Variants in CDH4 observed in about 807,000 individuals in gnomAD.
CDH4 encodes cadherin 4.
CDH4 carries 33 observed loss-of-function variants against 86.0 expected under a neutral mutation model. That is an observed-to-expected ratio of 0.38 (90% CI 0.29 to 0.51). The LOEUF is 0.51. CDH4 is among the 20% of genes least tolerant of loss of function. The pLI, the probability that CDH4 is intolerant of heterozygous loss-of-function variation, is 0.86. For missense variants in CDH4, 1,114 were observed against 1,307.4 expected (o/e 0.85, Z 2.28); for synonymous variants, 555 against 549.4 (o/e 1.01, Z -0.14).
intron 2 of CDH4, among the ~76,000 whole-genome samples, chr20:61,717,307 A>C (rs1472868341): frequency 2.0e-5 from 3 of 152,192 alleles, no homozygotes; most frequent in African/African-American, 7.2e-5. Context: ...CAGGGTGGAC[A>C]GGACAGAGAG....
At chr20:61,756,693 C>T (rs2088569128) in intron 3 of CDH4, among the ~76,000 whole-genome samples, 2 of 152,054 alleles carry the variant, frequency 1.3e-5, no homozygotes, top group African/African-American at 4.8e-5. Context: ...GAAGCATCCA[C>T]AGACTGCATT....
chr20:61,351,971 C>T (rs1436971710), intron 2 of CDH4, among the ~76,000 whole-genome samples: 2 of 152,174 alleles, frequency 1.3e-5, no homozygotes, highest in Non-Finnish European at 2.9e-5. Flanking sequence ...CCCACCTCGG[C>T]CTCCCAAAGT....
At chr20:61,375,223 C>G (rs541514095) in intron 2 of CDH4, among the ~76,000 whole-genome samples, 1 of 152,282 alleles carries the variant, frequency 6.6e-6, no homozygotes, top group African/African-American at 2.4e-5. Flanking sequence ...GAGTTTGACT[C>G]TTTTTGTCAA....
At chr20:61,792,220 G>C (rs1979242065) in intron 4 of CDH4, among the ~76,000 whole-genome samples, 1 of 152,182 alleles carries the variant, frequency 6.6e-6, no homozygotes. Context: ...GGCAGGTGGA[G>C]GAAAGGGAGC....
chr20:61,492,510 G>A (rs1261422544), intron 2 of CDH4, among the ~76,000 whole-genome samples: 2 of 152,186 alleles, frequency 1.3e-5, no homozygotes, highest in Admixed American at 6.5e-5. Context: ...CATTGTTGAT[G>A]TTGATGGCGG....
rs576717546 is a variant in CDH4, at chr20:61,858,615, A to G, written c.877+5717A>G. On this transcript the variant is annotated intron_variant, in intron 6 of 15. Transcript: ENST00000614565. Reference sequence around the variant, plus strand: ...CCTAACCTGTGGCAACCACGACTCTATTTTCATCTGTAGTGTTGTCATTCC... The same window carrying G: ...CCTAACCTGTGGCAACCACGACTCTGTTTTCATCTGTAGTGTTGTCATTCC... Among the ~76,000 whole-genome samples the G allele has an allele frequency of 5.3e-5, 8 of 151,894 alleles. No individual in the cohort carries two copies. In the East Asian group the frequency reaches 1.6e-3, roughly 29 times the overall value.
chr20:61,690,233 T>C (rs1471801482), intron 2 of CDH4, among the ~76,000 whole-genome samples: 2 of 152,008 alleles, frequency 1.3e-5, no homozygotes, highest in Admixed American at 1.3e-4. Context: ...TGATGTGTAA[T>C]TGGGCGGGGA....
intron 4 of CDH4, among the ~76,000 whole-genome samples, chr20:61,808,939 A>G (rs1190421266): frequency 3.9e-5 from 6 of 152,244 alleles, no homozygotes; most frequent in Non-Finnish European, 7.3e-5. Context: ...GTAGCCATAA[A>G]GATAATGTGA....
chr20:61,612,047 C>T (rs6061669), intron 2 of CDH4, among the ~76,000 whole-genome samples: 2,516 of 152,060 alleles, frequency 0.017, 93 homozygotes, highest in African/African-American at 0.057. Context: ...GTTGATTTTG[C>T]CAGATAGCAA....
chr20:61,614,026 G>T (rs1396191322), intron 2 of CDH4, among the ~76,000 whole-genome samples: 1 of 152,156 alleles, frequency 6.6e-6, no homozygotes, highest in African/African-American at 2.4e-5. Context: ...TGTATGAGAG[G>T]AGAGGTGGCA....
intron 15 of CDH4, among the ~76,000 whole-genome samples, chr20:61,935,822 G>A (rs941682479): frequency 3.9e-5 from 6 of 152,182 alleles, no homozygotes; most frequent in Non-Finnish European, 7.3e-5. Context: ...GGAGGCAGAG[G>A]TTACAGTGAG....
intron 2 of CDH4, among the ~76,000 whole-genome samples, chr20:61,308,771 G>A (rs2084430420): frequency 6.6e-6 from 1 of 152,248 alleles, no homozygotes. Flanking sequence ...AGGAGAGGCT[G>A]AGCAGGAAGA....
chr20:61,555,076 C>T (rs2086166795), intron 2 of CDH4, among the ~76,000 whole-genome samples: 1 of 152,120 alleles, frequency 6.6e-6, no homozygotes, highest in African/African-American at 2.4e-5. Context: ...ATGATGTCTG[C>T]CCATGGGAGT....
At chr20:61,755,337 AACACCACACACATAGTGCATGCCACAC>A (rs2088549222) in intron 3 of CDH4, among the ~76,000 whole-genome samples, 1 of 147,384 alleles carries the variant, frequency 6.8e-6, no homozygotes. Flanking sequence ...ACTGCCTTGT[AACACCACACACATAGTGCATGCCACAC>A]ACACCACACA....
chr20:61,322,445 C>T (rs191289326), intron 2 of CDH4, among the ~76,000 whole-genome samples: 81 of 152,324 alleles, frequency 5.3e-4, no homozygotes, highest in Admixed American at 4.4e-3. Flanking sequence ...CTCCCCTTTC[C>T]TTCCCAGACT....
chr20:61,678,128 T>G (rs1362307256), intron 2 of CDH4, among the ~76,000 whole-genome samples: 2 of 151,338 alleles, frequency 1.3e-5, no homozygotes, highest in East Asian at 3.9e-4. Flanking sequence ...AGAAGACGGA[T>G]GGAAGATAGA....
intron 2 of CDH4, among the ~76,000 whole-genome samples, chr20:61,585,927 G>A (rs1288988262): frequency 2.6e-5 from 4 of 151,176 alleles, no homozygotes; most frequent in Non-Finnish European, 4.4e-5. Flanking sequence ...GAGGATGATG[G>A]TGATGGTGAT....
At chr20:61,595,511 C>T (rs2086551004) in intron 2 of CDH4, among the ~76,000 whole-genome samples, 1 of 151,818 alleles carries the variant, frequency 6.6e-6, no homozygotes, top group Non-Finnish European at 1.5e-5. Context: ...CGTGTGGGAA[C>T]ACCCCGTGGG....
rs1215661695 is a variant in CDH4, at chr20:61,328,517, C to T, written c.169+73580C>T. ...AAAATAGTTTTGCCAGGTGCAGTGG[C>T]TCACACCTGTAATCTCATCACTTTG... On this transcript the variant is annotated intron_variant, in intron 2 of 15. Coordinates refer to ENST00000614565, the MANE Select transcript of CDH4 (RefSeq NM_001794.5). 5.9e-5 allele frequency among the ~76,000 whole-genome samples: 9 copies of T among 152,342 alleles called. No homozygotes were observed. In the South Asian group the frequency reaches 1.9e-3, roughly 32 times the overall value.
Sources: gnomAD v4.1 joint callset for allele counts (sites outside exome capture counted in the v4.1 genomes callset) on GRCh38, gnomAD v4.1.1 for gene constraint, MANE v1.5 for transcripts, NCBI Gene and HGNC (gene_info 2026-07-23, HGNC 2026-07-21) for gene names.